Variants in WASL observed in about 807,000 individuals in gnomAD.
The protein encoded by WASL is actin nucleation-promoting factor WASL.
In WASL, 20 loss-of-function variants were observed where a neutral mutation model predicts 55.5. The observed-to-expected ratio is 0.36, with a 90% CI of 0.25 to 0.52. The LOEUF (loss-of-function observed/expected upper bound fraction) is 0.52, where lower values mean the gene tolerates loss of function less well. Among genes scored for constraint, WASL ranks in the 20% least tolerant of loss-of-function variants. The probability of loss-of-function intolerance (pLI) is 0.92; values close to 1 mark genes in which losing one functional copy is unlikely to be tolerated. For synonymous variants in WASL, 249 were observed against 217.6 expected, an observed-to-expected ratio of 1.14 and a Z score of -1.27; for missense variants, 504 against 622.5, an observed-to-expected ratio of 0.81 and a Z score of 2.03.
At chr7:123,691,544 T>C (rs1037990636) in intron 9 of WASL, among the ~76,000 whole-genome samples, 12 of 152,244 alleles carry the variant, frequency 7.9e-5, no homozygotes, top group African/African-American at 2.7e-4. Context: ...TCCATTCATT[T>C]ATGTATTGTC....
chr7:123,691,630 T>C (rs1803409941), intron 9 of WASL, among the ~76,000 whole-genome samples: 1 of 152,194 alleles, frequency 6.6e-6, no homozygotes, highest in South Asian at 2.1e-4. Context: ...CCCAAGGTTT[T>C]ACTACCTGAT....
intron 1 of WASL, among the ~76,000 whole-genome samples, chr7:123,723,302 A>G (rs891056390): frequency 2.0e-5 from 3 of 152,180 alleles, no homozygotes; most frequent in African/African-American, 7.2e-5. Flanking sequence ...TCAATTAAAG[A>G]GAATCTGAAA....
At chr7:123,685,077 G>A (rs1803265270) in intron 10 of WASL, among the ~76,000 whole-genome samples, 1 of 151,738 alleles carries the variant, frequency 6.6e-6, no homozygotes, top group South Asian at 2.1e-4. Flanking sequence ...CAATTATCAA[G>A]CCTGCTCTTT....
At chr7:123,688,996 C>T (rs771719952) in intron 10 of WASL, 46 bp downstream of exon 10, 3 of 1,460,022 alleles carry the variant, frequency 2.1e-6, no homozygotes, top group African/African-American at 3.1e-5. Flanking sequence ...CACACACGCA[C>T]ACTCTCTCTG....
At chr7:123,715,517 A>G (rs1803826754) in intron 1 of WASL, among the ~76,000 whole-genome samples, 1 of 152,212 alleles carries the variant, frequency 6.6e-6, no homozygotes. Context: ...TAATATACTA[A>G]AAGACATAAC....
chr7:123,706,604 G>T, intron 3 of WASL, 136 bp downstream of exon 3: 1 of 792,930 alleles, frequency 1.3e-6, no homozygotes, highest in Non-Finnish European at 2.0e-6. Context: ...ATACTAATTT[G>T]AATATTTCAT....
Position 123,748,615 on chromosome 7 carries a change from G to A in WASL, c.117+3C>T. ...GGTGGCGACGCGGGTCTCGTCCACT[G>A]ACCACACATTTCTTGCCGAGGAAAG... On this transcript the variant is annotated splice_donor_region_variant and intron_variant, in intron 1 of 10. Coordinates refer to ENST00000223023, the MANE Select transcript of WASL (RefSeq NM_003941.4). 1.9e-6 allele frequency: 3 copies of A among 1,613,404 alleles called. No individual in the cohort carries two copies. Among genetic ancestry groups the A allele is most frequent in the Non-Finnish European group, 1.7e-6 (2 of 1,179,664 alleles).
chr7:123,745,170 G>A (rs895397382), intron 1 of WASL, among the ~76,000 whole-genome samples: 5 of 151,950 alleles, frequency 3.3e-5, no homozygotes, highest in Admixed American at 1.3e-4. Flanking sequence ...TATATAACTG[G>A]GACTAATTTC....
chr7:123,739,123 T>C (rs368994593), intron 1 of WASL, among the ~76,000 whole-genome samples: 4 of 152,322 alleles, frequency 2.6e-5, no homozygotes, highest in Admixed American at 1.3e-4. Flanking sequence ...TAATTTCCAA[T>C]TTTCTTTCTC....
rs1254245636 is a variant in WASL, at chr7:123,692,859, G to A, written c.835C>T (p.Pro279Ser). The change falls in exon 9 of 11, where the codon CCT becomes TCT. Residue 279 changes from proline to serine, a missense_variant. Around this residue, in one of 5 missense-constraint regions of WASL, gnomAD observed 201 missense variants for 206.2 expected, o/e 0.97. Coordinates refer to ENST00000223023, the MANE Select transcript of WASL (RefSeq NM_003941.4). ...GGCCCTCCCCTTGATGGTGGTGGAG[G>A]TGGTGGTGCTGAAATGCAAACAGAA... Reference protein sequence around the residue: ...KNELRRQAPPPPPPSRGGPPP... With the variant: ...KNELRRQAPPSPPPSRGGPPP... 10 of 1,361,628 alleles carry A rather than the reference G, an allele frequency of 7.3e-6. No individual in the cohort carries two copies. Among genetic ancestry groups the A allele is most frequent in the Non-Finnish European group, 9.5e-6 (10 of 1,052,984 alleles). 84.3% of individuals were successfully genotyped at this position (1,361,628 alleles called of 1,614,324 possible). A position where few individuals can be genotyped will look rare whatever the true frequency, so the allele number is the denominator to read the frequency against.
Position 123,683,444 on chromosome 7 carries a change from G to A in WASL, c.*1075C>T, listed in dbSNP as rs1296828097. The A allele has an allele frequency of 6.6e-6, 1 of 151,530 alleles. No individual in the cohort carries two copies. The highest frequency in any genetic ancestry group is 1.5e-5 in the Non-Finnish European group (1 of 67,838). The allele number at this position is 151,530 out of a possible 1,614,324, so 9.4% of individuals were successfully genotyped here. ...GACATTGGGACCACCAATCTTTTAA[G>A]AAAAATGTAACTCTTCACATGCTAT... is the stretch of plus-strand genomic sequence containing the variant. On this transcript the variant is annotated 3_prime_UTR_variant, in exon 11 of 11. Transcript: ENST00000223023.
intron 9 of WASL, among the ~76,000 whole-genome samples, chr7:123,690,558 T>C (rs1342565924): frequency 1.3e-5 from 2 of 152,128 alleles, no homozygotes; most frequent in Non-Finnish European, 1.5e-5. Flanking sequence ...AAAGTGATTA[T>C]TTAGGATAAA....
rs147660912 is a variant in WASL, at chr7:123,704,653, T to C, written c.441A>G (p.Lys147=). Residue 147 remains lysine (K), a synonymous_variant, in exon 5 of 11, where the codon AAA becomes AAG. Coordinates refer to ENST00000223023, the MANE Select transcript of WASL (RefSeq NM_003941.4). ...GCTTACCATTTGGGGGATCTCGTCT[T>C]TTCTCTGTTAGAAAATAAATTAGAA... ...LLGRRQRKSE[K]RRDPPNGPNL... 2.7e-6 allele frequency: 4 copies of C among 1,492,208 alleles called. No homozygotes were observed. The highest frequency in any genetic ancestry group is 1.2e-5 in the South Asian group (1 of 80,870). 92.4% of individuals were successfully genotyped at this position (1,492,208 alleles called of 1,614,324 possible). A position where few individuals can be genotyped will look rare whatever the true frequency, so the allele number is the denominator to read the frequency against.
intron 1 of WASL, among the ~76,000 whole-genome samples, chr7:123,732,910 A>G (rs774600394): frequency 1.2e-4 from 18 of 152,234 alleles, no homozygotes; most frequent in African/African-American, 1.9e-4. Flanking sequence ...ATAACCTATC[A>G]TATCAATAGG....
In WASL at chr7:123,682,655, G is replaced by C. The variant is rs1367806039; in HGVS notation, c.*1864C>G. On this transcript the variant is annotated 3_prime_UTR_variant, in exon 11 of 11. Coordinates refer to ENST00000223023, the MANE Select transcript of WASL (RefSeq NM_003941.4). ...AAAATGTTTTTTATATTGTCAAAAA[G>C]AAAAAATTTTTTCAATTAACATTAC... is the stretch of plus-strand genomic sequence containing the variant. 1.3e-5 allele frequency: 2 copies of C among 151,962 alleles called. No individual in the cohort carries two copies. The highest frequency in any genetic ancestry group is 4.8e-5 in the African/African-American group (2 of 41,388). 9.4% of individuals were successfully genotyped at this position (151,962 alleles called of 1,614,324 possible).
In WASL at chr7:123,692,752, A is replaced by G; in HGVS notation, c.942T>C (p.Pro314=). ...GAGGTGCAGCTGTGGGAGCTCTTGA[A>G]GGTGGTGGGGGAGGAGCGCCTCTTC... ...ARGRGAPPPP[P]SRAPTAAPPP... Residue 314 remains proline, a synonymous_variant, in exon 9 of 11, where the codon CCT becomes CCC. Coordinates refer to ENST00000223023, the MANE Select transcript of WASL (RefSeq NM_003941.4). 1 of 1,499,496 alleles carries G rather than the reference A, an allele frequency of 6.7e-7. No individual in the cohort carries two copies. Among genetic ancestry groups the G allele is most frequent in the Non-Finnish European group, 8.9e-7 (1 of 1,126,186 alleles). The allele number at this position is 1,499,496 out of a possible 1,614,324, so 92.9% of individuals were successfully genotyped here. A position where few individuals can be genotyped will look rare whatever the true frequency, so the allele number is the denominator to read the frequency against.
intron 1 of WASL, among the ~76,000 whole-genome samples, chr7:123,717,823 C>T (rs557778803): frequency 6.6e-6 from 1 of 152,054 alleles, no homozygotes; most frequent in South Asian, 2.1e-4. Flanking sequence ...TAATACTTTA[C>T]GCTTCCAACT....
At chr7:123,737,777 A>T (rs1029611903) in intron 1 of WASL, among the ~76,000 whole-genome samples, 4 of 152,150 alleles carry the variant, frequency 2.6e-5, no homozygotes, top group Non-Finnish European at 5.9e-5. Context: ...AAAATACCAG[A>T]AAAATGTGAG....
At chr7:123,730,717 A>G (rs1252351583) in intron 1 of WASL, among the ~76,000 whole-genome samples, 1 of 152,234 alleles carries the variant, frequency 6.6e-6, no homozygotes, top group Non-Finnish European at 1.5e-5. Context: ...GTCTAAATAC[A>G]CCAATTAAAA....
Sources: gnomAD v4.1 joint callset for allele counts (sites outside exome capture counted in the v4.1 genomes callset) on GRCh38, gnomAD v4.1.1 for gene constraint, gnomAD v4.1.1 regional missense constraint, MANE v1.5 for transcripts, NCBI Gene and HGNC (gene_info 2026-07-23, HGNC 2026-07-21) for gene names.